LTBP2: variants seen among roughly 807,000 people sequenced by gnomAD.
The protein encoded by LTBP2 is latent-transforming growth factor beta-binding protein 2.
In LTBP2, 103 loss-of-function variants were observed where a neutral mutation model predicts 210.6. That is an observed-to-expected ratio of 0.49 (90% CI 0.42 to 0.58). LTBP2 has a LOEUF of 0.58. LTBP2 is among the 20% of genes least tolerant of loss of function. LTBP2 has a pLI of 0.00. For missense variants in LTBP2, 2,313 were observed against 2,494.5 expected, an observed-to-expected ratio of 0.93 and a Z score of 1.55; for synonymous variants, 1,007 against 1,015.0, an observed-to-expected ratio of 0.99 and a Z score of 0.15.
At chr14:74,544,989 C>T (rs1403961968) in intron 8 of LTBP2, among the ~76,000 whole-genome samples, 1 of 152,154 alleles carries the variant, frequency 6.6e-6, no homozygotes, top group East Asian at 1.9e-4. Context: ...TTAACGCAGG[C>T]CGGGGCTACA....
At chr14:74,583,505 C>T (rs960095449) in intron 3 of LTBP2, among the ~76,000 whole-genome samples, 6 of 152,236 alleles carry the variant, frequency 3.9e-5, no homozygotes, top group African/African-American at 1.4e-4. Flanking sequence ...GGCCTGGAGG[C>T]TGCAGCTCAT....
intron 18 of LTBP2, among the ~76,000 whole-genome samples, chr14:74,516,362 C>CCCTT (rs985686917): frequency 8.8e-5 from 13 of 147,134 alleles, no homozygotes; most frequent in Non-Finnish European, 1.3e-4. Context: ...CTCCCTCCCT[C>CCCTT]CCTTCCTTCC....
intron 2 of LTBP2, among the ~76,000 whole-genome samples, chr14:74,594,257 T>A (rs780695797): frequency 6.6e-6 from 1 of 152,124 alleles, no homozygotes; most frequent in Non-Finnish European, 1.5e-5. Context: ...CTCTCTCTCC[T>A]GGGCCCCAGA....
chr14:74,601,139 G>C (rs1053883611), intron 2 of LTBP2, among the ~76,000 whole-genome samples: 1 of 152,182 alleles, frequency 6.6e-6, no homozygotes, highest in Non-Finnish European at 1.5e-5. Context: ...CACATCCCTG[G>C]CTTCTCTACC....
rs749359705 is a variant in LTBP2, at chr14:74,527,373, G to A, written c.2369-7C>T. ...TGGCCAGCCTGAGAGTCACCTGGAAGGGAAAGGTAACAGCGTGAGCTCAGG... is the reference window on the plus strand; with the variant it reads ...TGGCCAGCCTGAGAGTCACCTGGAAAGGAAAGGTAACAGCGTGAGCTCAGG... On this transcript the variant is annotated splice_region_variant and splice_polypyrimidine_tract_variant and intron_variant, in intron 12 of 35. Coordinates refer to ENST00000261978, the MANE Select transcript of LTBP2 (RefSeq NM_000428.3). 1.9e-6 allele frequency: 3 copies of A among 1,610,816 alleles called. No individual in the cohort carries two copies. The highest frequency in any genetic ancestry group is 2.5e-6 in the Non-Finnish European group (3 of 1,178,796).
intron 12 of LTBP2, 103 bp from the exon 13 acceptor site, chr14:74,527,469 TC>T: frequency 8.0e-7 from 1 of 1,253,846 alleles, no homozygotes. Flanking sequence ...CCAGACCACA[TC>T]CCCAGCAGGG....
chr14:74,570,401 C>T (rs921955914), intron 3 of LTBP2, among the ~76,000 whole-genome samples: 3 of 152,120 alleles, frequency 2.0e-5, no homozygotes, highest in Non-Finnish European at 4.4e-5. Flanking sequence ...GACAAGCACA[C>T]TGTAGACTAA....
At chr14:74,567,530 C>T (rs554991057) in intron 3 of LTBP2, among the ~76,000 whole-genome samples, 3 of 152,252 alleles carry the variant, frequency 2.0e-5, no homozygotes, top group East Asian at 3.9e-4. Context: ...TTCTCCCTAG[C>T]TTGCCCATGT....
intron 2 of LTBP2, among the ~76,000 whole-genome samples, chr14:74,589,247 G>A (rs905912181): frequency 6.6e-6 from 1 of 152,238 alleles, no homozygotes; most frequent in African/African-American, 2.4e-5. Context: ...GACACGGAAA[G>A]TAGAACACAC....
chr14:74,558,841 A>G (rs780269916), intron 3 of LTBP2, among the ~76,000 whole-genome samples: 10 of 152,142 alleles, frequency 6.6e-5, no homozygotes, highest in Non-Finnish European at 1.3e-4. Flanking sequence ...CATAGACAGG[A>G]CCTGGCTGTA....
rs189087702 is a variant in LTBP2 at position 74,594,164 on chromosome 14, T to G, written c.566-8046A>C. Among the ~76,000 whole-genome samples the G allele has an allele frequency of 5.0e-3, 768 of 152,190 alleles. 5 individuals are homozygous for G. The highest frequency in any genetic ancestry group is 0.016 in the African/African-American group (676 of 41,518). On this transcript the variant is annotated intron_variant, in intron 2 of 35. Coordinates refer to ENST00000261978, the MANE Select transcript of LTBP2 (RefSeq NM_000428.3). ...AACAACCAAGGGCCATGGTGCTGGG[T>G]GGGGACTGCTTTCTAGGTGTCAAAT... is the stretch of plus-strand genomic sequence containing the variant.
chr14:74,503,520 G>A lies in LTBP2; in HGVS notation c.4669C>T (p.Leu1557Phe). 6.2e-7 allele frequency: 1 copy of A among 1,613,382 alleles called. No homozygotes were observed. The highest frequency in any genetic ancestry group is 8.5e-7 in the Non-Finnish European group (1 of 1,179,826). Residue 1557 changes from leucine (L) to phenylalanine (F), a missense_variant, in exon 32 of 36, where the codon CTC becomes TTC. Transcript: ENST00000261978. ...CGCTGCTGGCTGAGGTCCAGGGTGA[G>A]CGGGGGGCTGCAGAAGCAGTGGAAG... ...GSFHCFCSPP[L>F]TLDLSQQRCM...
chr14:74,534,582 G>A (rs1327544849), intron 9 of LTBP2, among the ~76,000 whole-genome samples: 2 of 152,156 alleles, frequency 1.3e-5, no homozygotes, highest in Non-Finnish European at 2.9e-5. Context: ...AGGGACTGCT[G>A]CTTTCTCTCA....
chr14:74,528,463 A>T lies in LTBP2; in HGVS notation c.2368+20T>A. On this transcript the variant is annotated intron_variant, in intron 12 of 35. Coordinates refer to ENST00000261978, the MANE Select transcript of LTBP2 (RefSeq NM_000428.3). ...TAGGGGAAAGGAAAATCCCTCAGGC[A>T]TCTCCCCCAGCTCAGATACCCTTGT... 1.2e-6 allele frequency: 2 copies of T among 1,611,418 alleles called. No individual in the cohort carries two copies. Among genetic ancestry groups the T allele is most frequent in the South Asian group, 2.2e-5 (2 of 90,998 alleles).
At chr14:74,525,601 C>T (rs974769183) in intron 14 of LTBP2, among the ~76,000 whole-genome samples, 1 of 152,212 alleles carries the variant, frequency 6.6e-6, no homozygotes, top group Admixed American at 6.5e-5. Flanking sequence ...GCCACAAATA[C>T]CAACATCTTA....
chr14:74,553,204 C>A, intron 4 of LTBP2, 142 bp from the exon 5 acceptor site: 1 of 801,054 alleles, frequency 1.2e-6, no homozygotes, highest in Non-Finnish European at 2.1e-6. Context: ...CGCAGGGTCC[C>A]ATCGTAGGGG....
In LTBP2 at chr14:74,506,045, C is replaced by T. The variant is rs755211979; in HGVS notation, c.4177+3G>A. On this transcript the variant is annotated splice_donor_region_variant and intron_variant, in intron 28 of 35. Coordinates refer to ENST00000261978, the MANE Select transcript of LTBP2 (RefSeq NM_000428.3). ...CATGGATAATGTGTCTCCCAGGCCT[C>T]ACCTCCAGCCCCCCGTGGGCGGCAG... is the stretch of plus-strand genomic sequence containing the variant. 1.5e-5 allele frequency: 25 copies of T among 1,613,976 alleles called. No individual in the cohort carries two copies. The highest frequency in any genetic ancestry group is 2.0e-5 in the Non-Finnish European group (24 of 1,180,034).
At chr14:74,520,618 T>A (rs2087189792) in intron 17 of LTBP2, among the ~76,000 whole-genome samples, 1 of 152,130 alleles carries the variant, frequency 6.6e-6, no homozygotes, top group African/African-American at 2.4e-5. Flanking sequence ...CTGGCCAATA[T>A]GGTAAAACCC....
At chr14:74,607,337 T>C (rs1305653033) in intron 1 of LTBP2, among the ~76,000 whole-genome samples, 1 of 152,216 alleles carries the variant, frequency 6.6e-6, no homozygotes, top group Non-Finnish European at 1.5e-5. Context: ...ACATTTTGTT[T>C]TCATTTCAAT....
Sources: allele counts gnomAD v4.1 joint callset (sites outside exome capture counted in the v4.1 genomes callset), GRCh38; gene constraint gnomAD v4.1.1; transcripts MANE v1.5; gene names NCBI Gene and HGNC (gene_info 2026-07-23, HGNC 2026-07-21).